The following ARMH3 variants were observed in gnomAD, a reference collection of about 807,000 sequenced individuals.
ARMH3 encodes armadillo like helical domain containing 3.
ARMH3 carries 60 observed loss-of-function variants against 99.1 expected under a neutral mutation model. The observed-to-expected ratio is 0.61, with a 90% CI of 0.49 to 0.75. The LOEUF is 0.75. ARMH3 is among the 30% of genes least tolerant of loss of function. The pLI, the probability that ARMH3 is intolerant of heterozygous loss-of-function variation, is 0.00. For missense variants in ARMH3, 679 were observed against 843.1 expected (o/e 0.81, Z 2.41); for synonymous variants, 285 against 292.8 (o/e 0.97, Z 0.27).
intron 19 of ARMH3, among the ~76,000 whole-genome samples, chr10:101,987,114 T>C (rs1846546829): frequency 6.6e-6 from 1 of 152,094 alleles, no homozygotes; most frequent in Non-Finnish European, 1.5e-5. Flanking sequence ...GTAATGAACA[T>C]ACAATCTTAT....
intron 24 of ARMH3, among the ~76,000 whole-genome samples, chr10:101,863,027 A>C (rs2066910205): frequency 6.6e-6 from 1 of 152,140 alleles, no homozygotes; most frequent in Non-Finnish European, 1.5e-5. Context: ...AAGATGGAGA[A>C]ACCCTGTCTC....
chr10:102,027,344 AAT>A (rs1268277571), intron 5 of ARMH3, among the ~76,000 whole-genome samples: 1 of 151,984 alleles, frequency 6.6e-6, no homozygotes, highest in Non-Finnish European at 1.5e-5. Flanking sequence ...GAGATAGCAT[AAT>A]AGAGATGGTG....
intron 24 of ARMH3, among the ~76,000 whole-genome samples, chr10:101,861,918 T>C (rs1261772638): frequency 2.2e-5 from 3 of 139,124 alleles, no homozygotes; most frequent in East Asian, 2.1e-4. Context: ...GGCGTGGTGG[T>C]GGGCGCCTGT....
At chr10:101,901,206 G>A (rs929487456) in intron 23 of ARMH3, among the ~76,000 whole-genome samples, 1 of 148,190 alleles carries the variant, frequency 6.7e-6, no homozygotes, top group African/African-American at 2.5e-5. Context: ...TGGGCCATAT[G>A]GATTCCATAC....
In ARMH3 at chr10:101,973,098, C is replaced by T. The variant is rs575036132; in HGVS notation, c.1495+2114G>A. 8.0e-4 allele frequency among the ~76,000 whole-genome samples: 122 copies of T among 152,166 alleles called. 1 individual carries two copies. The highest frequency in any genetic ancestry group is 4.4e-4 in the Non-Finnish European group (30 of 67,998). On this transcript the variant is annotated intron_variant, in intron 20 of 25. Transcript: ENST00000370033. ...AATCGCAGCCAGGCATGGTGACTCA[C>T]GTCTGTAATCCTAGCACTTTGGGAG...
At chr10:101,866,858 T>C (rs900265656) in intron 24 of ARMH3, among the ~76,000 whole-genome samples, 1 of 152,028 alleles carries the variant, frequency 6.6e-6, no homozygotes, top group Admixed American at 6.6e-5. Context: ...CTAGACACTA[T>C]TAAGAAAATC....
At chr10:101,990,404 C>A in intron 19 of ARMH3, 147 bp downstream of exon 19, 1 of 549,768 alleles carries the variant, frequency 1.8e-6, no homozygotes, top group Non-Finnish European at 3.3e-6. Context: ...ATCTCCTGAC[C>A]TTGTGATCCG....
chr10:102,019,800 C>A (rs2066837341), intron 8 of ARMH3, among the ~76,000 whole-genome samples: 1 of 151,624 alleles, frequency 6.6e-6, no homozygotes, highest in Non-Finnish European at 1.5e-5. Flanking sequence ...TGGTGGCAGG[C>A]ACTTGTAATC....
At chr10:101,968,417 G>A (rs1845628739) in intron 20 of ARMH3, among the ~76,000 whole-genome samples, 1 of 152,084 alleles carries the variant, frequency 6.6e-6, no homozygotes, top group African/African-American at 2.4e-5. Flanking sequence ...ACCAATAACA[G>A]ACTTGTCTTG....
intron 24 of ARMH3, among the ~76,000 whole-genome samples, chr10:101,882,903 A>T (rs937609165): frequency 1.3e-5 from 2 of 152,190 alleles, no homozygotes; most frequent in Admixed American, 6.5e-5. Flanking sequence ...ACCCTCTTCA[A>T]TAATAATAAT....
chr10:101,971,198 G>A (rs982540327), intron 20 of ARMH3, among the ~76,000 whole-genome samples: 1 of 151,516 alleles, frequency 6.6e-6, no homozygotes, highest in East Asian at 1.9e-4. Flanking sequence ...AAGACATAGT[G>A]AACAAAATGG....
intron 20 of ARMH3, among the ~76,000 whole-genome samples, chr10:101,971,001 T>G: frequency 7.0e-6 from 1 of 143,140 alleles, no homozygotes; most frequent in East Asian, 2.1e-4. Context: ...GGAGGCTGAG[T>G]TGGGAGGATC....
At chr10:101,855,309 C>T (rs1453449274) in intron 24 of ARMH3, among the ~76,000 whole-genome samples, 1 of 147,936 alleles carries the variant, frequency 6.8e-6, no homozygotes, top group Non-Finnish European at 1.5e-5. Flanking sequence ...CTCAGGTGAT[C>T]CACCTGCCTC....
chr10:101,946,241 A>C (rs1300212594), intron 22 of ARMH3, among the ~76,000 whole-genome samples: 1 of 152,196 alleles, frequency 6.6e-6, no homozygotes, highest in African/African-American at 2.4e-5. Flanking sequence ...TGGACTTTAA[A>C]GCAGTTATCA....
intron 1 of ARMH3, among the ~76,000 whole-genome samples, chr10:102,051,157 CAA>C (rs774209681): frequency 3.5e-4 from 20 of 56,982 alleles, no homozygotes; most frequent in Admixed American, 6.1e-4. Flanking sequence ...GACTCTGTCT[CAA>C]AAAAAAAAAA....
intron 20 of ARMH3, among the ~76,000 whole-genome samples, chr10:101,968,121 A>C (rs984994542): frequency 3.3e-5 from 5 of 151,956 alleles, no homozygotes; most frequent in African/African-American, 1.2e-4. Context: ...CACAATTAGC[A>C]CCCAGCCTCT....
At chr10:101,874,580 T>C (rs1249079379) in intron 24 of ARMH3, among the ~76,000 whole-genome samples, 1 of 151,882 alleles carries the variant, frequency 6.6e-6, no homozygotes, top group South Asian at 2.1e-4. Context: ...TACAGGAAGG[T>C]TTTTTAGTGG....
chr10:101,939,951 A>C lies in ARMH3; in HGVS notation c.1706-13T>G. On this transcript the variant is annotated splice_polypyrimidine_tract_variant and intron_variant, in intron 22 of 25. Coordinates refer to ENST00000370033, the MANE Select transcript of ARMH3 (RefSeq NM_024541.3). Reference sequence around the variant, plus strand: ...GAAAGCCTCAGGACTGCAAAGAAGGAAAGAACACAGATCTGTCAAACCCCC... The same window carrying C: ...GAAAGCCTCAGGACTGCAAAGAAGGCAAGAACACAGATCTGTCAAACCCCC... The C allele has an allele frequency of 1.2e-6, 2 of 1,612,562 alleles. No individual in the cohort carries two copies. Among genetic ancestry groups the C allele is most frequent in the Admixed American group, 1.7e-5 (1 of 60,006 alleles).
intron 24 of ARMH3, among the ~76,000 whole-genome samples, chr10:101,880,135 G>A (rs2067374840): frequency 6.6e-6 from 1 of 152,222 alleles, no homozygotes; most frequent in Non-Finnish European, 1.5e-5. Flanking sequence ...GCTACAGGGA[G>A]GCAGTGAAAG....
Sources: allele counts gnomAD v4.1 joint callset (sites outside exome capture counted in the v4.1 genomes callset), GRCh38; gene constraint gnomAD v4.1.1; transcripts MANE v1.5; gene names NCBI Gene and HGNC (gene_info 2026-07-23, HGNC 2026-07-21).